Variants in VAV1 observed in about 807,000 individuals in gnomAD.
The protein encoded by VAV1 is proto-oncogene vav.
VAV1 carries 33 observed loss-of-function variants against 128.1 expected under a neutral mutation model. The ratio of observed to expected loss-of-function variants is 0.26; its 90% confidence interval spans 0.20 to 0.34. VAV1 has a LOEUF of 0.34. Among genes scored for constraint, VAV1 ranks in the 10% least tolerant of loss-of-function variants. VAV1 has a pLI of 1.00. For synonymous variants in VAV1, 394 were observed against 409.8 expected (o/e 0.96, Z 0.47); for missense variants, 715 against 1,093.7 (o/e 0.65, Z 4.88).
chr19:6,841,358 A>T (rs1972373190), intron 21 of VAV1, among the ~76,000 whole-genome samples: 1 of 152,122 alleles, frequency 6.6e-6, no homozygotes. Flanking sequence ...TGCAAATATC[A>T]TTTCGAATCC....
chr19:6,850,231 T>G (rs984558368), intron 23 of VAV1, among the ~76,000 whole-genome samples: 3 of 131,396 alleles, frequency 2.3e-5, no homozygotes, highest in South Asian at 2.6e-4. Flanking sequence ...CTTTGTTTTT[T>G]TTTTTTTTTT....
chr19:6,776,113 C>CATCT (rs1278414814), intron 1 of VAV1, among the ~76,000 whole-genome samples: 3 of 149,222 alleles, frequency 2.0e-5, no homozygotes, highest in African/African-American at 7.6e-5. Context: ...TCCATCCATC[C>CATCT]ATCCATCCAT....
intron 21 of VAV1, among the ~76,000 whole-genome samples, chr19:6,839,074 T>C (rs1972303304): frequency 6.6e-6 from 1 of 152,010 alleles, no homozygotes; most frequent in Non-Finnish European, 1.5e-5. Context: ...GGCTAATTTT[T>C]GTATTTTTAG....
At chr19:6,814,491 A>G (rs1599647112) in intron 1 of VAV1, among the ~76,000 whole-genome samples, 1 of 152,092 alleles carries the variant, frequency 6.6e-6, no homozygotes, top group East Asian at 1.9e-4. Flanking sequence ...CACTTAGTAC[A>G]CTTTGTATAC....
chr19:6,773,863 C>T (rs1052963894), intron 1 of VAV1, among the ~76,000 whole-genome samples: 15 of 151,640 alleles, frequency 9.9e-5, no homozygotes, highest in African/African-American at 3.2e-4. Context: ...TGGGTGGGAA[C>T]GGGGGACGGG....
intron 1 of VAV1, among the ~76,000 whole-genome samples, chr19:6,782,687 T>C (rs1970791047): frequency 6.6e-6 from 1 of 151,870 alleles, no homozygotes; most frequent in Non-Finnish European, 1.5e-5. Context: ...TGAGACTAGC[T>C]TGGGCAACAT....
intron 26 of VAV1, among the ~76,000 whole-genome samples, chr19:6,856,021 G>A (rs1254979161): frequency 2.0e-5 from 3 of 152,308 alleles, no homozygotes; most frequent in East Asian, 1.9e-4. Flanking sequence ...CTGGCCAGGC[G>A]TGGTGGCTTA....
intron 26 of VAV1, among the ~76,000 whole-genome samples, chr19:6,856,580 CG>C (rs1972808119): frequency 6.7e-6 from 1 of 150,320 alleles, no homozygotes; most frequent in Non-Finnish European, 1.5e-5. Context: ...AAAAATTAGC[CG>C]GGTGTGGTGG....
chr19:6,842,167 T>C (rs1367138796), intron 21 of VAV1, among the ~76,000 whole-genome samples: 3 of 151,604 alleles, frequency 2.0e-5, no homozygotes, highest in Non-Finnish European at 4.4e-5. Flanking sequence ...GAGGCGGAGG[T>C]TGCTGTGAGC....
At chr19:6,832,637 C>T (rs547732071) in intron 15 of VAV1, among the ~76,000 whole-genome samples, 5 of 141,824 alleles carry the variant, frequency 3.5e-5, no homozygotes, top group East Asian at 4.4e-4. Flanking sequence ...TCCTCCTCCT[C>T]CCTTTCCTCC....
chr19:6,795,782 C>T (rs1971120064), intron 1 of VAV1, among the ~76,000 whole-genome samples: 1 of 152,198 alleles, frequency 6.6e-6, no homozygotes, highest in Non-Finnish European at 1.5e-5. Context: ...CTCCTGGGTT[C>T]AAGTGATTCT....
intron 1 of VAV1, among the ~76,000 whole-genome samples, chr19:6,790,395 C>T (rs187905842): frequency 1.3e-5 from 2 of 152,094 alleles, no homozygotes; most frequent in African/African-American, 4.8e-5. Context: ...AACCACGGAT[C>T]GGATGTCTTA....
At position 6,836,479 on chromosome 19, in the gene VAV1, C is replaced by A. The variant is rs888309098; in HGVS notation, c.1825C>A (p.Pro609Thr). Residue 609 changes from proline to threonine, a missense_variant, in exon 20 of 27, where the codon CCC (proline) becomes ACC (threonine). Pro to Thr is a conservative substitution (Grantham distance 38). Transcript: ENST00000602142. ...TCAGGAATACTACGGGCTTCCTCCA[C>A]CCCCTGGAGCCATTGGACCCTTTCT... ...VFQEYYGLPP[P>T]PGAIGPFLRL... 2.5e-5 allele frequency: 40 copies of A among 1,613,996 alleles called. No individual in the cohort carries two copies. The highest frequency in any genetic ancestry group is 3.1e-5 in the Non-Finnish European group (37 of 1,180,038).
intron 24 of VAV1, among the ~76,000 whole-genome samples, chr19:6,852,594 G>C (rs1255992050): frequency 6.6e-6 from 1 of 151,638 alleles, no homozygotes; most frequent in Non-Finnish European, 1.5e-5. Flanking sequence ...AGTGGCGGGC[G>C]CCTGTAGTCC....
In VAV1 at chr19:6,835,065, A is replaced by G. The variant is rs533133320; in HGVS notation, c.1777+1112A>G. Among the ~76,000 whole-genome samples, 68 of 152,190 alleles carry G rather than the reference A, an allele frequency of 4.5e-4. 1 individual carries two copies. The Middle Eastern group carries it at 0.02, about 46-fold the overall frequency. ...TTCAAAAAAATAAAAAAATAAATAT[A>G]TGAAATCTATGAATGGGTATGTTTT... On this transcript the variant is annotated intron_variant, in intron 19 of 26. Transcript: ENST00000602142.
intron 9 of VAV1, among the ~76,000 whole-genome samples, chr19:6,827,509 A>C (rs1173927486): frequency 2.6e-5 from 4 of 152,098 alleles, no homozygotes; most frequent in African/African-American, 9.7e-5. Context: ...TCCTGGGCTC[A>C]AGCGACTCAC....
chr19:6,788,350 TTTATTATTA>T (rs148778427), intron 1 of VAV1, among the ~76,000 whole-genome samples: 26,480 of 141,860 alleles, frequency 0.19, 2,536 homozygotes, highest in African/African-American at 0.23. Flanking sequence ...TTCTTTTTAT[TTTATTATTA>T]TTATTATTAT....
Position 6,824,949 on chromosome 19 carries a change from G to T in VAV1, c.655-104G>T, listed in dbSNP as rs1971880709. The T allele has an allele frequency of 1.7e-6, 2 of 1,211,750 alleles. 1 individual carries two copies. Among genetic ancestry groups the T allele is most frequent in the Non-Finnish European group, 2.4e-6 (2 of 817,060 alleles). 75.1% of individuals were successfully genotyped at this position (1,211,750 alleles called of 1,614,324 possible). Reference sequence around the variant, plus strand: ...GTACAAGTTTTTGTGTGGACGCGCTGCCTCTCTTTATCTCCCTCTCTCTGT... The same window carrying T: ...GTACAAGTTTTTGTGTGGACGCGCTTCCTCTCTTTATCTCCCTCTCTCTGT... On this transcript the variant is annotated intron_variant, in intron 6 of 26. Coordinates refer to ENST00000602142, the MANE Select transcript of VAV1 (RefSeq NM_005428.4).
In VAV1 at chr19:6,826,520, C is replaced by A; in HGVS notation, c.828-92C>A. The A allele has an allele frequency of 2.2e-6, 2 of 912,570 alleles. No individual in the cohort carries two copies. Among genetic ancestry groups the A allele is most frequent in the Non-Finnish European group, 3.5e-6 (2 of 576,964 alleles). The allele number at this position is 912,570 out of a possible 1,614,324, so 56.5% of individuals were successfully genotyped here. A position where few individuals can be genotyped will look rare whatever the true frequency, so the allele number is the denominator to read the frequency against. ...GAAACTGGGACTCAGGTTTCTTCTC[C>A]AGCGGGGAAGAGCAAGGCCAGGGCT... is the stretch of plus-strand genomic sequence containing the variant. On this transcript the variant is annotated intron_variant, in intron 8 of 26. Transcript: ENST00000602142. This position sits in a 1 kb window ranked among gnomAD's most constrained non-coding sequence, Gnocchi z 4.1.
Sources: allele counts gnomAD v4.1 joint callset (sites outside exome capture counted in the v4.1 genomes callset), GRCh38; gene constraint gnomAD v4.1.1; non-coding constraint Gnocchi (gnomAD v3.1); transcripts MANE v1.5; gene names NCBI Gene and HGNC (gene_info 2026-07-23, HGNC 2026-07-21).